The following ERI3 variants were observed in gnomAD, a reference collection of about 807,000 sequenced individuals.
The protein encoded by ERI3 is ERI1 exoribonuclease family member 3.
A neutral mutation model predicts 44.4 loss-of-function variants in ERI3; 18 were observed. That is an observed-to-expected ratio of 0.41 (90% CI 0.28 to 0.60). The LOEUF (loss-of-function observed/expected upper bound fraction) is 0.60. ERI3 is among the 20% of genes least tolerant of loss of function. The pLI is 0.36. For synonymous variants in ERI3, 183 were observed against 164.8 expected (o/e 1.11, Z -0.84); for missense variants, 294 against 435.5 (o/e 0.68, Z 2.89).
Position 44,321,488 on chromosome 1 carries a change from A to G in ERI3, c.490-1744T>C, listed in dbSNP as rs372522708. ...CTGTTCCCCAAGAAGCATTACATAC[A>G]GAGTAAATGGGGGTTTGGAACTGAA... is the stretch of plus-strand genomic sequence containing the variant. On this transcript the variant is annotated intron_variant, in intron 3 of 8. Coordinates refer to ENST00000372257, the MANE Select transcript of ERI3 (RefSeq NM_024066.3). 1.8e-4 allele frequency among the ~76,000 whole-genome samples: 27 copies of G among 152,320 alleles called. No homozygotes were observed. In the South Asian group the frequency reaches 5.6e-3, roughly 32 times the overall value.
At chr1:44,273,844 T>C (rs1355094007) in intron 7 of ERI3, among the ~76,000 whole-genome samples, 1 of 152,056 alleles carries the variant, frequency 6.6e-6, no homozygotes, top group East Asian at 1.9e-4. Context: ...GAACAGTATA[T>C]GTAAGGGGAG....
chr1:44,303,641 G>A (rs138888352), intron 6 of ERI3, among the ~76,000 whole-genome samples: 332 of 152,264 alleles, frequency 2.2e-3, no homozygotes, highest in African/African-American at 7.6e-3. Flanking sequence ...CTAGGAACTG[G>A]CCAGCTCATG....
intron 6 of ERI3, among the ~76,000 whole-genome samples, chr1:44,294,379 C>T (rs1645568760): frequency 6.6e-6 from 1 of 152,208 alleles, no homozygotes; most frequent in African/African-American, 2.4e-5. Context: ...TGCCAACTGT[C>T]TCTCATTTCT....
intron 1 of ERI3, chr1:44,353,639 A>G (rs376867996): frequency 5.1e-6 from 5 of 985,422 alleles, no homozygotes; most frequent in African/African-American, 3.5e-5. Context: ...CACCACAAAG[A>G]AAACACTTTT....
chr1:44,250,584 G>A (rs1644656682), intron 7 of ERI3, among the ~76,000 whole-genome samples: 1 of 152,204 alleles, frequency 6.6e-6, no homozygotes, highest in South Asian at 2.1e-4. Flanking sequence ...CTTTCAGGAA[G>A]GGCAGTCTGG....
At chr1:44,290,471 C>T (rs1645482688) in intron 6 of ERI3, among the ~76,000 whole-genome samples, 2 of 152,192 alleles carry the variant, frequency 1.3e-5, no homozygotes, top group Non-Finnish European at 2.9e-5. Flanking sequence ...GAATGCTGTC[C>T]CTAGCGGCCC....
At chr1:44,223,509 G>A (rs1249610203) in intron 8 of ERI3, among the ~76,000 whole-genome samples, 3 of 152,064 alleles carry the variant, frequency 2.0e-5, no homozygotes, top group Admixed American at 6.5e-5. Context: ...TCCTGTCTCC[G>A]GTACCCTAGG....
chr1:44,334,385 C>T lies in ERI3; in HGVS notation c.489+4660G>A, dbSNP rs1015524022. ...CCTCAGGGTCACAACAACCATCACT[C>T]GGTGCACATCCACACCAAAATGAGC... On this transcript the variant is annotated intron_variant, in intron 3 of 8. Coordinates refer to ENST00000372257, the MANE Select transcript of ERI3 (RefSeq NM_024066.3). Among the ~76,000 whole-genome samples, 5 of 152,304 alleles carry T rather than the reference C, an allele frequency of 3.3e-5. No homozygotes were observed. In the South Asian group the frequency reaches 1.0e-3, roughly 32 times the overall value.
chr1:44,240,885 G>A (rs1313174275), intron 8 of ERI3, among the ~76,000 whole-genome samples: 1 of 152,236 alleles, frequency 6.6e-6, no homozygotes, highest in African/African-American at 2.4e-5. Flanking sequence ...ACTGAGGACA[G>A]AGCACCTATG....
intron 3 of ERI3, chr1:44,322,817 G>A (rs762151073): frequency 1.3e-6 from 2 of 1,549,924 alleles, no homozygotes; most frequent in African/African-American, 1.4e-5. Context: ...GCCCCAATCT[G>A]CACCAAGTTG....
At chr1:44,256,229 C>A (rs189818872) in intron 7 of ERI3, among the ~76,000 whole-genome samples, 54 of 152,270 alleles carry the variant, frequency 3.5e-4, no homozygotes, top group Admixed American at 1.1e-3. Context: ...CCTACCCAGT[C>A]TCCTTCAGGA....
chr1:44,328,483 G>T (rs1320365998), intron 3 of ERI3, among the ~76,000 whole-genome samples: 1 of 152,084 alleles, frequency 6.6e-6, no homozygotes, highest in East Asian at 1.9e-4. Flanking sequence ...TGACTCTGAC[G>T]CTCGCTGAAG....
At chr1:44,232,276 C>G (rs562627588) in intron 8 of ERI3, among the ~76,000 whole-genome samples, 1 of 152,328 alleles carries the variant, frequency 6.6e-6, no homozygotes, top group Admixed American at 6.5e-5. Context: ...AAAGAGGACG[C>G]TGCTATTTCA....
chr1:44,336,395 GGT>G (rs1646536228), intron 3 of ERI3, among the ~76,000 whole-genome samples: 1 of 152,224 alleles, frequency 6.6e-6, no homozygotes, highest in Admixed American at 6.5e-5. Context: ...CTTTCCTGAA[GGT>G]GGTCTGATGG....
intron 4 of ERI3, among the ~76,000 whole-genome samples, chr1:44,315,288 A>G (rs1011115171): frequency 9.9e-5 from 15 of 152,142 alleles, no homozygotes; most frequent in African/African-American, 3.6e-4. Context: ...AGAAAGTCTC[A>G]CTCACACAGG....
At chr1:44,232,263 G>C (rs1005255557) in intron 8 of ERI3, among the ~76,000 whole-genome samples, 2 of 152,236 alleles carry the variant, frequency 1.3e-5, no homozygotes, top group African/African-American at 4.8e-5. Flanking sequence ...CAGGCCGAAG[G>C]ACAAAGAGGA....
intron 8 of ERI3, among the ~76,000 whole-genome samples, chr1:44,227,113 C>T (rs72686063): frequency 0.19 from 28,493 of 152,092 alleles, 3,107 homozygotes; most frequent in South Asian, 0.4. Context: ...AGTAGGGTGG[C>T]AAGCTGCTGA....
chr1:44,322,737 C>G (rs1417714443), intron 3 of ERI3: 1 of 1,549,098 alleles, frequency 6.5e-7, no homozygotes, highest in East Asian at 2.4e-5. Context: ...TCCCATATTG[C>G]CCAGCCAGTA....
At chr1:44,240,720 C>A (rs1315476827) in intron 8 of ERI3, among the ~76,000 whole-genome samples, 1 of 152,210 alleles carries the variant, frequency 6.6e-6, no homozygotes, top group Non-Finnish European at 1.5e-5. Flanking sequence ...GTGATTCAGA[C>A]CAGACCAAAC....
Sources: gnomAD v4.1 joint callset for allele counts (sites outside exome capture counted in the v4.1 genomes callset) on GRCh38, gnomAD v4.1.1 for gene constraint, MANE v1.5 for transcripts, NCBI Gene and HGNC (gene_info 2026-07-23, HGNC 2026-07-21) for gene names.